The following CST8 variants were observed in gnomAD, a reference collection of about 807,000 sequenced individuals.
CST8 encodes the protein cystatin 8.
A neutral mutation model predicts 11.8 loss-of-function variants in CST8; 20 were observed. That is an observed-to-expected ratio of 1.70 (90% CI 1.20 to 2.47). CST8 has a LOEUF of 2.47. Among genes scored for constraint, CST8 ranks in the 30% most tolerant of loss-of-function variants. The probability of loss-of-function intolerance (pLI) is 0.00; values close to 1 mark genes in which losing one functional copy is unlikely to be tolerated. For synonymous variants in CST8, 77 were observed against 63.1 expected, an observed-to-expected ratio of 1.22 and a Z score of -1.05; for missense variants, 196 against 167.2, an observed-to-expected ratio of 1.17 and a Z score of -0.95.
downstream of CST8, among the ~76,000 whole-genome samples, chr20:23,499,661 A>AG (rs1988136444): frequency 6.6e-6 from 1 of 152,152 alleles, no homozygotes; most frequent in Non-Finnish European, 1.5e-5. Flanking sequence ...CAGGATTCAC[A>AG]GGGGGGTCCT....
chr20:23,492,364 C>T (rs1987914175), intron 2 of CST8, among the ~76,000 whole-genome samples: 1 of 152,226 alleles, frequency 6.6e-6, no homozygotes, highest in Admixed American at 6.5e-5. Context: ...ATACTAATGT[C>T]CTGCTATAAA....
the CST8 span, among the ~76,000 whole-genome samples, chr20:23,501,224 C>G: frequency 6.6e-6 from 1 of 152,196 alleles, no homozygotes; most frequent in Non-Finnish European, 1.5e-5. Flanking sequence ...ACTACGACTC[C>G]TCCAGTTCTC....
rs2983288 is a variant in CST8, at chr20:23,491,754, A to G, written c.87A>G (p.Thr29=). Residue 29 remains threonine, a synonymous_variant, in exon 2 of 4, where the codon ACA becomes ACG. Coordinates refer to ENST00000246012, the MANE Select transcript of CST8 (RefSeq NM_005492.4). ...VARKDPKKNE[T]GVLRKLKPVN... ...GGAAAGACCCAAAAAAGAATGAGACAGGGGTGCTGAGGAAATTAAAACCCG... is the reference window on the plus strand; with the variant it reads ...GGAAAGACCCAAAAAAGAATGAGACGGGGGTGCTGAGGAAATTAAAACCCG... 0.97 allele frequency: 1,571,524 copies of G among 1,613,986 alleles called. 765,218 individuals carry two copies. Among genetic ancestry groups the G allele is most frequent in the East Asian group, 1 (44,833 of 44,836 alleles).
chr20:23,505,621 ACATG>A, the CST8 span, among the ~76,000 whole-genome samples: 1 of 152,204 alleles, frequency 6.6e-6, no homozygotes. Context: ...ATGGGGCCAC[ACATG>A]GTCTGATTTG....
At chr20:23,497,954 A>C (rs927265168), downstream of CST8, among the ~76,000 whole-genome samples, 2 of 151,662 alleles carry the variant, frequency 1.3e-5, no homozygotes, top group East Asian at 1.9e-4. Context: ...TGTTAGATTG[A>C]GTGTATCTGT....
the CST8 span, among the ~76,000 whole-genome samples, chr20:23,505,395 C>T: frequency 2.0e-5 from 3 of 152,116 alleles, no homozygotes; most frequent in South Asian, 4.2e-4. Flanking sequence ...CTGCCCACCT[C>T]GGCCTCCCAA....
downstream of CST8, among the ~76,000 whole-genome samples, chr20:23,497,141 A>G (rs1988066059): frequency 6.6e-6 from 1 of 152,234 alleles, no homozygotes; most frequent in Non-Finnish European, 1.5e-5. Flanking sequence ...ATAAGTGTCC[A>G]TGAAATCTTC....
At chr20:23,507,081 A>G in the CST8 span, among the ~76,000 whole-genome samples, 1 of 152,164 alleles carries the variant, frequency 6.6e-6, no homozygotes, top group African/African-American at 2.4e-5. Context: ...TCCTTTGAAT[A>G]CATTTCACTC....
the CST8 span, among the ~76,000 whole-genome samples, chr20:23,503,167 T>G: frequency 6.6e-6 from 1 of 152,164 alleles, no homozygotes; most frequent in Non-Finnish European, 1.5e-5. Context: ...TCAGGTAGCA[T>G]GCACAAATGC....
downstream of CST8, among the ~76,000 whole-genome samples, chr20:23,498,334 T>C (rs1409911536): frequency 6.6e-6 from 1 of 152,180 alleles, no homozygotes; most frequent in African/African-American, 2.4e-5. Flanking sequence ...ATTTTAAACA[T>C]AGTGTTGGTT....
At chr20:23,498,130 G>A (rs1988099705), downstream of CST8, among the ~76,000 whole-genome samples, 1 of 151,994 alleles carries the variant, frequency 6.6e-6, no homozygotes. Flanking sequence ...CTTGAAGAAA[G>A]TAACTATTAA....
chr20:23,503,550 C>T, the CST8 span, among the ~76,000 whole-genome samples: 3 of 152,130 alleles, frequency 2.0e-5, no homozygotes, highest in Middle Eastern at 3.4e-3. Context: ...CCCTAAAAGA[C>T]ACACAAGCCA....
At chr20:23,499,627 T>C (rs1413803977), downstream of CST8, among the ~76,000 whole-genome samples, 1 of 152,114 alleles carries the variant, frequency 6.6e-6, no homozygotes, top group Non-Finnish European at 1.5e-5. Context: ...AGGCAATTCA[T>C]GTGGTCTTGG....
At chr20:23,493,212 G>A (rs1987945232) in intron 3 of CST8, 141 bp downstream of exon 3, 1 of 643,634 alleles carries the variant, frequency 1.6e-6, no homozygotes, top group Non-Finnish European at 2.8e-6. Flanking sequence ...GGCCTTTATA[G>A]CAGAAGATCC....
chr20:23,496,735 C>T (rs373801330), downstream of CST8, among the ~76,000 whole-genome samples: 35 of 152,246 alleles, frequency 2.3e-4, no homozygotes, highest in East Asian at 1.2e-3. Context: ...AAAAGATGGC[C>T]GCCCCCCAAA....
chr20:23,503,381 A>T, the CST8 span, among the ~76,000 whole-genome samples: 1 of 152,248 alleles, frequency 6.6e-6, no homozygotes, highest in African/African-American at 2.4e-5. Context: ...AAATTTGCTC[A>T]GGATGAAAAT....
chr20:23,501,507 C>T, the CST8 span, among the ~76,000 whole-genome samples: 5 of 152,190 alleles, frequency 3.3e-5, no homozygotes, highest in Non-Finnish European at 5.9e-5. Context: ...ACCTACCGCT[C>T]GCTATGGAGG....
the CST8 span, among the ~76,000 whole-genome samples, chr20:23,501,840 C>G: frequency 3.9e-5 from 6 of 152,214 alleles, no homozygotes; most frequent in African/African-American, 1.4e-4. Context: ...TGGTTCCAAA[C>G]TCCTTCAGAT....
In CST8 at chr20:23,491,522, C is replaced by T; in HGVS notation, c.-143-3C>T. ...TGACCCTAATGGCCTGTCTTGAATCCAGCTGGGCTGACGCTAACAGGAGGC... is the reference window on the plus strand; with the variant it reads ...TGACCCTAATGGCCTGTCTTGAATCTAGCTGGGCTGACGCTAACAGGAGGC... On this transcript the variant is annotated splice_region_variant and splice_polypyrimidine_tract_variant and intron_variant, in intron 1 of 3. Coordinates refer to ENST00000246012, the MANE Select transcript of CST8 (RefSeq NM_005492.4). 12 of 674,166 alleles carry T rather than the reference C, an allele frequency of 1.8e-5. No individual in the cohort carries two copies. In the South Asian group the frequency reaches 2.0e-4, roughly 11 times the overall value. The allele number at this position is 674,166 out of a possible 1,614,324, so 41.8% of individuals were successfully genotyped here.
Sources: allele counts gnomAD v4.1 joint callset (sites outside exome capture counted in the v4.1 genomes callset), GRCh38; gene constraint gnomAD v4.1.1; transcripts MANE v1.5; gene names NCBI Gene and HGNC (gene_info 2026-07-23, HGNC 2026-07-21).